ASXL2: variants seen among roughly 807,000 people sequenced by gnomAD.
ASXL2 encodes the protein ASXL transcriptional regulator 2.
In ASXL2, 23 loss-of-function variants were observed where a neutral mutation model predicts 122.0. The observed-to-expected ratio is 0.19, with a 90% CI of 0.14 to 0.27. ASXL2 has a LOEUF of 0.27. Among genes scored for constraint, ASXL2 ranks in the 10% least tolerant of loss-of-function variants. The pLI is 1.00. For synonymous variants in ASXL2, 650 were observed against 637.0 expected, an observed-to-expected ratio of 1.02 and a Z score of -0.31; for missense variants, 1,518 against 1,713.8, an observed-to-expected ratio of 0.89 and a Z score of 2.02.
rs1235153413 is a variant in ASXL2, at chr2:25,799,550, A to C, written c.253-15T>G. 6.2e-7 allele frequency: 1 copy of C among 1,606,840 alleles called. No individual in the cohort carries two copies. Among genetic ancestry groups the C allele is most frequent in the Admixed American group, 1.7e-5 (1 of 58,800 alleles). Reference sequence around the variant, plus strand: ...GGCACATCTTTCTGAAAATGTAGGCATCCAATTAGGATTAATCATTACCAT... The same window carrying C: ...GGCACATCTTTCTGAAAATGTAGGCCTCCAATTAGGATTAATCATTACCAT... On this transcript the variant is annotated splice_polypyrimidine_tract_variant and intron_variant, in intron 4 of 12. Transcript: ENST00000435504.
chr2:25,819,978 T>C (rs867486990), intron 3 of ASXL2, among the ~76,000 whole-genome samples: 1 of 152,166 alleles, frequency 6.6e-6, no homozygotes, highest in Non-Finnish European at 1.5e-5. Context: ...GGTGCAATCA[T>C]AGCTCACTGC....
At position 25,742,306 on chromosome 2, in the gene ASXL2, G is replaced by A; in HGVS notation, c.4031C>T (p.Ala1344Val). The A allele has an allele frequency of 6.2e-7, 1 of 1,613,852 alleles. No individual in the cohort carries two copies. Among genetic ancestry groups the A allele is most frequent in the Non-Finnish European group, 8.5e-7 (1 of 1,179,886 alleles). The change falls in exon 13 of 13, where the codon GCT becomes GTT. Residue 1344 changes from alanine (A) to valine (V), a missense_variant. Physicochemically the swap from Ala to Val is moderately conservative, Grantham distance 64 (BLOSUM62 0). Around this residue, in one of 8 missense-constraint regions of ASXL2, gnomAD observed 831 missense variants for 833.1 expected, o/e 1.00. Coordinates refer to ENST00000435504, the MANE Select transcript of ASXL2 (RefSeq NM_018263.6). ...GCTAGATACCTGGCTACCTGGTACAGCAGAGTTATGGTCCATGTCAGATGA... is the reference window on the plus strand; with the variant it reads ...GCTAGATACCTGGCTACCTGGTACAACAGAGTTATGGTCCATGTCAGATGA... ...STSSDMDHNS[A>V]VPGSQVSSNV...
At position 25,771,552 on chromosome 2, in the gene ASXL2, A is replaced by G. The variant is rs759995939; in HGVS notation, c.404-12T>C. 2.5e-6 allele frequency: 4 copies of G among 1,602,574 alleles called. No individual in the cohort carries two copies. The highest frequency in any genetic ancestry group is 3.4e-6 in the Non-Finnish European group (4 of 1,172,072). On this transcript the variant is annotated splice_polypyrimidine_tract_variant and intron_variant, in intron 5 of 12. Transcript: ENST00000435504. Reference sequence around the variant, plus strand: ...GGAGGACGACGATACTAGGGAAAAAAAAGTGACAATAAAAGATTTTTGTTA... The same window carrying G: ...GGAGGACGACGATACTAGGGAAAAAGAAGTGACAATAAAAGATTTTTGTTA...
rs2088364490 is a variant in ASXL2 at position 25,766,967 on chromosome 2, T to C, written c.775+616A>G. Among the ~76,000 whole-genome samples, 5 of 152,348 alleles carry C rather than the reference T, an allele frequency of 3.3e-5. No homozygotes were observed. In the South Asian group the frequency reaches 1.0e-3, roughly 32 times the overall value. On this transcript the variant is annotated intron_variant, in intron 8 of 12. Transcript: ENST00000435504. ...GCCTTCCCGGTGTTCTGCAACCTTA[T>C]GTGGCTGCTTTATCCCTGGCAACTG...
At chr2:25,751,306 G>A (rs1157856440) in intron 11 of ASXL2, among the ~76,000 whole-genome samples, 2 of 152,270 alleles carry the variant, frequency 1.3e-5, no homozygotes, top group East Asian at 3.9e-4. Context: ...GTTGAAAATA[G>A]AAAGACCCAC....
In ASXL2 at chr2:25,737,217, G is replaced by C. The variant is rs888884430; in HGVS notation, c.*4812C>G. 6.6e-6 allele frequency: 1 copy of C among 150,500 alleles called. No homozygotes were observed. The highest frequency in any genetic ancestry group is 1.5e-5 in the Non-Finnish European group (1 of 67,632). The allele number at this position is 150,500 out of a possible 1,614,324, so 9.3% of individuals were successfully genotyped here. On this transcript the variant is annotated 3_prime_UTR_variant, in exon 13 of 13. Transcript: ENST00000435504. ...CTCACTTCTGAGAGAACTGGGAAAC[G>C]GAAAAAAAAAAATTTCTATCATCTT...
chr2:25,810,038 G>A, intron 3 of ASXL2: 1 of 550,916 alleles, frequency 1.8e-6, no homozygotes, highest in Non-Finnish European at 3.6e-6. Flanking sequence ...TTCCAGCTTG[G>A]CTACCGATCT....
At chr2:25,857,607 G>A (rs1256875044) in intron 1 of ASXL2, among the ~76,000 whole-genome samples, 1 of 152,110 alleles carries the variant, frequency 6.6e-6, no homozygotes, top group Admixed American at 6.6e-5. Context: ...CTCTTTTCCT[G>A]GATGTATGCA....
intron 4 of ASXL2, among the ~76,000 whole-genome samples, chr2:25,802,357 T>G (rs1355982745): frequency 3.9e-5 from 6 of 152,222 alleles, no homozygotes; most frequent in Non-Finnish European, 8.8e-5. Flanking sequence ...GTCTCTATAG[T>G]GTCCAGCACA....
chr2:25,736,062 A>G lies in ASXL2; in HGVS notation c.*5967T>C, dbSNP rs1342370568. The G allele has an allele frequency of 3.3e-5, 5 of 152,250 alleles. No individual in the cohort carries two copies. Among genetic ancestry groups the G allele is most frequent in the Non-Finnish European group, 5.9e-5 (4 of 68,032 alleles). 9.4% of individuals were successfully genotyped at this position (152,250 alleles called of 1,614,324 possible). A position where few individuals can be genotyped will look rare whatever the true frequency, so the allele number is the denominator to read the frequency against. ...TTGCATAACCAGCACTTTAGTGCTTAGTGCACAGTAGGTGCTCTATAAATA... is the reference window on the plus strand; with the variant it reads ...TTGCATAACCAGCACTTTAGTGCTTGGTGCACAGTAGGTGCTCTATAAATA... On this transcript the variant is annotated 3_prime_UTR_variant, in exon 13 of 13. Coordinates refer to ENST00000435504, the MANE Select transcript of ASXL2 (RefSeq NM_018263.6).
chr2:25,763,509 T>C (rs2088289329), intron 8 of ASXL2, among the ~76,000 whole-genome samples: 1 of 151,908 alleles, frequency 6.6e-6, no homozygotes, highest in African/African-American at 2.4e-5. Flanking sequence ...AAAAGCTGAT[T>C]TCAGATTAAC....
Position 25,742,023 on chromosome 2 carries a change from G to C in ASXL2, c.*6C>G, listed in dbSNP as rs1160593538. The C allele has an allele frequency of 6.2e-6, 10 of 1,606,888 alleles. No homozygotes were observed. The highest frequency in any genetic ancestry group is 8.5e-6 in the Non-Finnish European group (10 of 1,175,446). ...CTCCTTTACAGTGTATCTCTTTCTA[G>C]TCTCATTACCGAACGACAAGGCAGG... On this transcript the variant is annotated 3_prime_UTR_variant, in exon 13 of 13. Coordinates refer to ENST00000435504, the MANE Select transcript of ASXL2 (RefSeq NM_018263.6).
Position 25,742,649 on chromosome 2 carries a change from T to C in ASXL2, c.3688A>G (p.Asn1230Asp). 1 of 1,614,014 alleles carries C rather than the reference T, an allele frequency of 6.2e-7. No homozygotes were observed. Among genetic ancestry groups the C allele is most frequent in the South Asian group, 1.1e-5 (1 of 91,084 alleles). The change falls in exon 13 of 13, where the codon AAT (asparagine) becomes GAT (aspartate). Residue 1230 changes from asparagine (N) to aspartate (D), a missense_variant. Asn to Asp is a conservative substitution (Grantham distance 23). This residue lies in a region of ASXL2 where 831 missense variants were observed against 833.1 expected (regional missense o/e 1.00). Coordinates refer to ENST00000435504, the MANE Select transcript of ASXL2 (RefSeq NM_018263.6). The stretch of plus-strand genomic sequence containing the variant: ...TTCAATGGTATCTCAGCCTTCACAT[T>C]CTTGCTAGCTAAGCAATCACTGGTA... ...LSTSDCLASK[N>D]VKAEIPLNEQ...
At chr2:25,768,486 T>C (rs2088390854) in intron 7 of ASXL2, among the ~76,000 whole-genome samples, 1 of 152,130 alleles carries the variant, frequency 6.6e-6, no homozygotes, top group African/African-American at 2.4e-5. Context: ...TGTGTTGTTG[T>C]TGAGACAGGG....
chr2:25,779,311 T>C (rs1199225380), intron 5 of ASXL2, among the ~76,000 whole-genome samples: 1 of 152,090 alleles, frequency 6.6e-6, no homozygotes, highest in East Asian at 1.9e-4. Context: ...TTGGCCAGGC[T>C]GGTCTTGAAC....
In ASXL2 at chr2:25,743,779, C is replaced by A; in HGVS notation, c.2558G>T (p.Gly853Val). Residue 853 changes from glycine (G) to valine (V), a missense_variant, in exon 13 of 13, where the codon GGC becomes GTC. Gly to Val is a moderately radical substitution (Grantham distance 109). This residue lies in a region of ASXL2 where 831 missense variants were observed against 833.1 expected (regional missense o/e 1.00). Transcript: ENST00000435504. ...GASPVHCAAD[G>V]TVELKAGPSK... ...AGGACCTGCTTTGAGCTCAACTGTGCCATCAGCTGCACAATGAACAGGTGA... is the reference window on the plus strand; with the variant it reads ...AGGACCTGCTTTGAGCTCAACTGTGACATCAGCTGCACAATGAACAGGTGA... The A allele has an allele frequency of 6.2e-7, 1 of 1,613,992 alleles. No homozygotes were observed. Among genetic ancestry groups the A allele is most frequent in the Non-Finnish European group, 8.5e-7 (1 of 1,179,898 alleles).
intron 5 of ASXL2, among the ~76,000 whole-genome samples, chr2:25,786,217 C>T (rs2088741674): frequency 6.7e-6 from 1 of 148,268 alleles, no homozygotes; most frequent in Non-Finnish European, 1.5e-5. Context: ...AAAGTATCTA[C>T]AAACAACCTA....
In ASXL2 at chr2:25,767,833, T is replaced by C. The variant is rs1263016074; in HGVS notation, c.632-107A>G. ...AAATGAAGTTATGTATGAGGCAATG[T>C]GACCCTCCCTAATGTGTTTTGAGTT... is the stretch of plus-strand genomic sequence containing the variant. On this transcript the variant is annotated intron_variant, in intron 7 of 12. Coordinates refer to ENST00000435504, the MANE Select transcript of ASXL2 (RefSeq NM_018263.6). 50 of 1,271,634 alleles carry C rather than the reference T, an allele frequency of 3.9e-5. No individual in the cohort carries two copies. The Admixed American group carries it at 4.3e-4, about 11-fold the overall frequency. 78.8% of individuals were successfully genotyped at this position (1,271,634 alleles called of 1,614,324 possible). A position where few individuals can be genotyped will look rare whatever the true frequency, so the allele number is the denominator to read the frequency against.
In ASXL2 at chr2:25,791,064, T is replaced by C. The variant is rs533298880; in HGVS notation, c.403+8321A>G. Among the ~76,000 whole-genome samples the C allele has an allele frequency of 2.7e-4, 41 of 152,072 alleles. 1 individual carries two copies. The highest frequency in any genetic ancestry group is 9.4e-4 in the African/African-American group (39 of 41,498). ...CTCCTGCCTCGGCCTCCCAAAGTAA[T>C]GGGATTACAGGTGTGAGCCACCACA... is the stretch of plus-strand genomic sequence containing the variant. On this transcript the variant is annotated intron_variant, in intron 5 of 12. Coordinates refer to ENST00000435504, the MANE Select transcript of ASXL2 (RefSeq NM_018263.6).
Sources: gnomAD v4.1 joint callset for allele counts (sites outside exome capture counted in the v4.1 genomes callset) on GRCh38, gnomAD v4.1.1 for gene constraint, gnomAD v4.1.1 regional missense constraint, MANE v1.5 for transcripts, NCBI Gene and HGNC (gene_info 2026-07-23, HGNC 2026-07-21) for gene names.